SPATC1: variants seen among roughly 807,000 people sequenced by gnomAD.
SPATC1 encodes speriolin.
SPATC1 carries 35 observed loss-of-function variants against 36.5 expected under a neutral mutation model. The ratio of observed to expected loss-of-function variants is 0.96; its 90% CI spans 0.73 to 1.27. The LOEUF (loss-of-function observed/expected upper bound fraction) is 1.27, where lower values mean the gene tolerates loss of function less well. SPATC1 is among the 50% of genes most tolerant of loss of function. The pLI, the probability that SPATC1 is intolerant of heterozygous loss-of-function variation, is 0.00. For synonymous variants in SPATC1, 361 were observed against 353.6 expected (o/e 1.02, Z -0.24); for missense variants, 779 against 796.0 (o/e 0.98, Z 0.26).
chr8:144,027,336 C>T (rs1230483339), intron 1 of SPATC1, among the ~76,000 whole-genome samples: 11 of 152,192 alleles, frequency 7.2e-5, no homozygotes, highest in Non-Finnish European at 1.6e-4. Flanking sequence ...TTTATATACA[C>T]TGGATATAGT....
intron 1 of SPATC1, among the ~76,000 whole-genome samples, chr8:144,037,610 A>G (rs949956816): frequency 6.6e-6 from 1 of 152,082 alleles, no homozygotes; most frequent in Non-Finnish European, 1.5e-5. Flanking sequence ...TGAAGGCAGC[A>G]TGCTCGTTAA....
intron 1 of SPATC1, among the ~76,000 whole-genome samples, chr8:144,029,134 A>G (rs1318596957): frequency 1.3e-5 from 2 of 149,350 alleles, no homozygotes; most frequent in African/African-American, 5.0e-5. Flanking sequence ...TGATAGGTAC[A>G]GCAAACCACT....
At position 144,046,771 on chromosome 8, in the gene SPATC1, G is replaced by A. The variant is rs782114300; in HGVS notation, c.1591G>A (p.Ala531Thr). 5.0e-6 allele frequency: 8 copies of A among 1,611,008 alleles called. No homozygotes were observed. The highest frequency in any genetic ancestry group is 1.1e-5 in the South Asian group (1 of 91,090). ...TGCGCTGACCGAGCAGCTGGTGAAC[G>A]CTTATGGCATCCTGCGAGAGCGCCC... is the stretch of plus-strand genomic sequence containing the variant. ...HPALTEQLVNAYGILRERPEL... is the reference protein window; with the variant it reads ...HPALTEQLVNTYGILRERPEL... The change falls in exon 5 of 5, where the codon GCT (alanine) becomes ACT (threonine). Residue 531 changes from alanine (A) to threonine (T), a missense_variant. Ala to Thr is a moderately conservative substitution (Grantham distance 58). Coordinates refer to ENST00000377470, the MANE Select transcript of SPATC1 (RefSeq NM_198572.3). The surrounding 1 kb of genome is among the most constrained non-coding windows in gnomAD (Gnocchi z 6.6).
chr8:144,031,655 T>A (rs1396783494), intron 1 of SPATC1, among the ~76,000 whole-genome samples: 1 of 151,682 alleles, frequency 6.6e-6, no homozygotes, highest in Non-Finnish European at 1.5e-5. Flanking sequence ...TATCTTTCAC[T>A]AAATTTAGAA....
At chr8:144,042,870 G>A (rs1223429370) in intron 4 of SPATC1, among the ~76,000 whole-genome samples, 4 of 150,866 alleles carry the variant, frequency 2.7e-5, no homozygotes, top group African/African-American at 9.7e-5. Context: ...TTTTAAGATG[G>A]GGTCACACTC....
At chr8:144,032,920 G>A (rs937514986) in intron 1 of SPATC1, among the ~76,000 whole-genome samples, 2 of 151,822 alleles carry the variant, frequency 1.3e-5, no homozygotes, top group South Asian at 2.1e-4. Flanking sequence ...CAAAGAATAC[G>A]GTCTTTATAA....
At chr8:144,027,226 G>A (rs1245500468) in intron 1 of SPATC1, among the ~76,000 whole-genome samples, 10 of 152,078 alleles carry the variant, frequency 6.6e-5, no homozygotes, top group South Asian at 2.1e-4. Flanking sequence ...CTGCCACCTC[G>A]GCCGCCCAAA....
intron 1 of SPATC1, among the ~76,000 whole-genome samples, chr8:144,014,757 C>A (rs1834349012): frequency 6.6e-6 from 1 of 152,188 alleles, no homozygotes; most frequent in African/African-American, 2.4e-5. Flanking sequence ...CCAGGGATTG[C>A]TGGAATGAGA....
At position 144,040,678 on chromosome 8, in the gene SPATC1, C is replaced by T; in HGVS notation, c.877C>T (p.Pro293Ser). 6.2e-6 allele frequency: 10 copies of T among 1,613,844 alleles called. No homozygotes were observed. Among genetic ancestry groups the T allele is most frequent in the Non-Finnish European group, 8.5e-6 (10 of 1,179,972 alleles). Residue 293 changes from proline to serine, a missense_variant, in exon 3 of 5, where the codon CCT becomes TCT. Pro to Ser is a moderately conservative substitution (Grantham distance 74, BLOSUM62 -1). Transcript: ENST00000377470. ...TSTPIGAMGT[P>S]APKTAFSFNT... Reference sequence around the variant, plus strand: ...CACCCCTATCGGAGCCATGGGCACACCTGCTCCCAAGACGGCCTTCTCCTT... The same window carrying T: ...CACCCCTATCGGAGCCATGGGCACATCTGCTCCCAAGACGGCCTTCTCCTT...
At chr8:144,022,967 C>A (rs1834570486) in intron 1 of SPATC1, among the ~76,000 whole-genome samples, 1 of 148,810 alleles carries the variant, frequency 6.7e-6, no homozygotes, top group Non-Finnish European at 1.5e-5. Context: ...CATGACCTAC[C>A]CTATTCCCTC....
At chr8:144,011,201 C>T (rs1834279596), upstream of SPATC1, among the ~76,000 whole-genome samples, 1 of 152,064 alleles carries the variant, frequency 6.6e-6, no homozygotes, top group Non-Finnish European at 1.5e-5. The surrounding 1 kb of genome is among the most constrained non-coding windows in gnomAD (Gnocchi z 4.5). Context: ...GAAATAAGAC[C>T]ATGACAAGCT....
At chr8:144,018,293 T>G (rs1244890007) in intron 1 of SPATC1, among the ~76,000 whole-genome samples, 1 of 152,096 alleles carries the variant, frequency 6.6e-6, no homozygotes, top group Non-Finnish European at 1.5e-5. Context: ...ATTTCAACCA[T>G]CATAGGTGGA....
chr8:144,023,760 GA>G (rs1587498202), intron 1 of SPATC1, among the ~76,000 whole-genome samples: 24 of 274 alleles, frequency 0.088, 12 homozygotes, highest in Admixed American at 0.17. Flanking sequence ...TCTTCCTTCA[GA>G]ACCCTTTCCC....
At chr8:144,020,867 T>TG (rs1834507507) in intron 1 of SPATC1, among the ~76,000 whole-genome samples, 1 of 25,390 alleles carries the variant, frequency 3.9e-5, no homozygotes, top group African/African-American at 1.5e-4. Context: ...CCCTCAAAAC[T>TG]CTCTTCCCTC....
chr8:144,019,815 C>T (rs1359697746), intron 1 of SPATC1, among the ~76,000 whole-genome samples: 1 of 151,964 alleles, frequency 6.6e-6, no homozygotes, highest in Non-Finnish European at 1.5e-5. Flanking sequence ...CCAGCATCCT[C>T]CTCATCCCAG....
At chr8:144,037,852 C>T (rs560778771) in intron 1 of SPATC1, among the ~76,000 whole-genome samples, 56 of 151,808 alleles carry the variant, frequency 3.7e-4, no homozygotes, top group Admixed American at 9.2e-4. Flanking sequence ...GAATTTTGGC[C>T]GGGCTCGGTG....
In SPATC1 at chr8:144,026,831, G is replaced by A. The variant is rs1472700685; in HGVS notation, c.212-13078G>A. Among the ~76,000 whole-genome samples, 9 of 134,650 alleles carry A rather than the reference G, an allele frequency of 6.7e-5. No homozygotes were observed. The South Asian group carries it at 6.8e-4, about 10-fold the overall frequency. 88.3% of individuals were successfully genotyped at this position (134,650 alleles called of 152,430 possible). ...TTTCTTTTTTTTTTTTTTTTGAGAC[G>A]GAGTCTCGCTCTGTTGCCCAGGCTA... On this transcript the variant is annotated intron_variant, in intron 1 of 4. Transcript: ENST00000377470.
rs150556459 is a variant in SPATC1 at position 144,045,029 on chromosome 8, C to T, written c.1447-1598C>T. 2.0e-5 allele frequency among the ~76,000 whole-genome samples: 3 copies of T among 152,374 alleles called. No homozygotes were observed. The East Asian group carries it at 5.8e-4, about 29-fold the overall frequency. ...CCCCCAAGGTGGGGGCCCCTGCGTG[C>T]CCTGGTGCTCAGTGCTCACTGGGGC... is the stretch of plus-strand genomic sequence containing the variant. On this transcript the variant is annotated intron_variant, in intron 4 of 4. Coordinates refer to ENST00000377470, the MANE Select transcript of SPATC1 (RefSeq NM_198572.3). The surrounding 1 kb of genome is among the most constrained non-coding windows in gnomAD (Gnocchi z 5.2).
intron 1 of SPATC1, among the ~76,000 whole-genome samples, chr8:144,020,981 C>T (rs1834512929): frequency 1.5e-5 from 2 of 131,904 alleles, no homozygotes; most frequent in Non-Finnish European, 3.2e-5. Context: ...TCAAGACCCT[C>T]TCCCCTCAGG....
Sources: gnomAD v4.1 joint callset for allele counts (sites outside exome capture counted in the v4.1 genomes callset) on GRCh38, gnomAD v4.1.1 for gene constraint, Gnocchi (gnomAD v3.1) non-coding constraint, MANE v1.5 for transcripts, NCBI Gene and HGNC (gene_info 2026-07-23, HGNC 2026-07-21) for gene names.